The following MAX variants were observed in gnomAD, a reference collection of about 807,000 sequenced individuals.
MAX encodes the protein protein max.
MAX carries 3 observed loss-of-function variants against 22.3 expected under a neutral mutation model. The observed-to-expected ratio is 0.13, with a 90% CI of 0.06 to 0.35. MAX has a LOEUF of 0.35. MAX is among the 10% of genes least tolerant of loss of function. MAX has a pLI of 1.00. For missense variants in MAX, 119 were observed against 209.4 expected, an observed-to-expected ratio of 0.57 and a Z score of 2.66; for synonymous variants, 72 against 77.7, an observed-to-expected ratio of 0.93 and a Z score of 0.39.
intron 3 of MAX, among the ~76,000 whole-genome samples, chr14:65,060,268 A>G (rs1276095755): frequency 6.6e-6 from 1 of 152,114 alleles, no homozygotes; most frequent in East Asian, 1.9e-4. Flanking sequence ...TGCTATTTAT[A>G]TACATCACAG....
chr14:65,030,739 T>TA lies in MAX; in HGVS notation c.172-24456dup, dbSNP rs879817148. On this transcript the variant is annotated intron_variant, in intron 3 of 3. Transcript: ENST00000341653. The surrounding 1 kb of genome is among the most constrained non-coding windows in gnomAD (Gnocchi z 4.5). ...TGGGCAACAAAGTGAGATCCTATCT[T>TA]AAAAAAAAAAAAGAAGATGGAAACT... Among the ~76,000 whole-genome samples, 56 of 144,658 alleles carry TA rather than the reference T, an allele frequency of 3.9e-4. No individual in the cohort carries two copies. Among genetic ancestry groups the TA allele is most frequent in the East Asian group, 1.8e-3 (9 of 5,034 alleles). The allele number at this position is 144,658 out of a possible 152,430, so 94.9% of individuals were successfully genotyped here. A position where few individuals can be genotyped will look rare whatever the true frequency, so the allele number is the denominator to read the frequency against.
At chr14:65,097,402 C>T (rs907094683) in intron 2 of MAX, among the ~76,000 whole-genome samples, 1 of 152,180 alleles carries the variant, frequency 6.6e-6, no homozygotes, top group Non-Finnish European at 1.5e-5. Flanking sequence ...TTATTTCCTC[C>T]AAGTTCTAGG....
Position 65,012,507 on chromosome 14 carries a change from C to G in MAX, c.172-6223G>C. 1 of 1,357,654 alleles carries G rather than the reference C, an allele frequency of 7.4e-7. No individual in the cohort carries two copies. The allele number at this position is 1,357,654 out of a possible 1,614,324, so 84.1% of individuals were successfully genotyped here. A position where few individuals can be genotyped will look rare whatever the true frequency, so the allele number is the denominator to read the frequency against. ...CTGTTGCAGAGTCACTCTTTGTTCT[C>G]TGTGGCTCTGGCAGGAGGTAGGGTG... On this transcript the variant is annotated intron_variant, in intron 3 of 3. Transcript: ENST00000341653. The surrounding 1 kb of genome is among the most constrained non-coding windows in gnomAD (Gnocchi z 5.0).
intron 3 of MAX, among the ~76,000 whole-genome samples, chr14:65,046,505 T>C (rs1006957180): frequency 3.3e-5 from 5 of 152,212 alleles, no homozygotes; most frequent in Non-Finnish European, 7.3e-5. Context: ...GTAGCACATG[T>C]TCTAGGGGGC....
rs1475974657 is a variant in MAX, at chr14:65,077,329, C to T, written c.295+584G>A. On this transcript the variant is annotated intron_variant, in intron 4 of 4. Transcript: ENST00000358664. The surrounding 1 kb of genome is among the most constrained non-coding windows in gnomAD (Gnocchi z 6.3). The stretch of plus-strand genomic sequence containing the variant: ...TTATTTTATTTGAGGTTTTCTAACC[C>T]AGGTGGTTACTTGCATTTCCTTTTA... 6.3e-7 allele frequency: 1 copy of T among 1,577,758 alleles called. No homozygotes were observed. The highest frequency in any genetic ancestry group is 2.2e-5 in the East Asian group (1 of 44,714).
At chr14:65,033,814 G>A (rs2040717298) in intron 3 of MAX, among the ~76,000 whole-genome samples, 2 of 152,154 alleles carry the variant, frequency 1.3e-5, no homozygotes, top group Admixed American at 6.5e-5. Context: ...CCGAGATCAC[G>A]CCACTGCACT....
Position 65,075,235 on chromosome 14 carries a change from G to A in MAX, c.*1241C>T, listed in dbSNP as rs2063027603. On this transcript the variant is annotated 3_prime_UTR_variant, in exon 5 of 5. Transcript: ENST00000358664. The surrounding 1 kb of genome is among the most constrained non-coding windows in gnomAD (Gnocchi z 4.1). ...AACATACTTTTTATTTCCATGGAAT[G>A]GAATCAAACACGAACTGAGACTACA... is the stretch of plus-strand genomic sequence containing the variant. 5 of 1,056,376 alleles carry A rather than the reference G, an allele frequency of 4.7e-6. No individual in the cohort carries two copies. Among genetic ancestry groups the A allele is most frequent in the Non-Finnish European group, 5.7e-6 (5 of 873,578 alleles). The allele number at this position is 1,056,376 out of a possible 1,614,324, so 65.4% of individuals were successfully genotyped here.
intron 3 of MAX, among the ~76,000 whole-genome samples, chr14:65,041,643 C>T (rs759096038): frequency 6.6e-6 from 1 of 152,190 alleles, no homozygotes; most frequent in Admixed American, 6.5e-5. Flanking sequence ...GTTATGCGGC[C>T]CATCGTGAGC....
downstream of MAX, among the ~76,000 whole-genome samples, chr14:65,072,109 A>G (rs72728274): frequency 0.021 from 3,150 of 152,254 alleles, 45 homozygotes; most frequent in Non-Finnish European, 0.034. Context: ...TTTTGAAGAA[A>G]GGAATGCTCT....
rs1158473913 is a variant in MAX at position 65,066,176 on chromosome 14, T to C, written c.171+27532A>G. Among the ~76,000 whole-genome samples, 5 of 152,136 alleles carry C rather than the reference T, an allele frequency of 3.3e-5. No homozygotes were observed. The East Asian group carries it at 9.6e-4, about 29-fold the overall frequency. On this transcript the variant is annotated intron_variant, in intron 3 of 3. Coordinates refer to the MAX transcript ENST00000341653. ...GCAAATAGGGCAGGCCCCTCACCCT[T>C]CTAATGAGGTCTCCACTTGCCACCA...
At chr14:65,048,426 G>T (rs909786589) in intron 3 of MAX, among the ~76,000 whole-genome samples, 1 of 152,028 alleles carries the variant, frequency 6.6e-6, no homozygotes, top group African/African-American at 2.4e-5. Flanking sequence ...AAAGCAAAAA[G>T]AATGCTCTAC....
At chr14:65,015,160 T>A (rs1227184003) in intron 3 of MAX, among the ~76,000 whole-genome samples, 2 of 151,612 alleles carry the variant, frequency 1.3e-5, no homozygotes, top group Non-Finnish European at 2.9e-5. Context: ...TGGAGTGCAG[T>A]GGTGCCATCT....
rs1157935028 is a variant in MAX at position 65,078,533 on chromosome 14, G to GTTT, written c.172-500_172-498dup. 2.4e-4 allele frequency among the ~76,000 whole-genome samples: 33 copies of GTTT among 136,176 alleles called. No individual in the cohort carries two copies. Among genetic ancestry groups the GTTT allele is most frequent in the Non-Finnish European group, 2.7e-4 (17 of 63,284 alleles). The allele number at this position is 136,176 out of a possible 152,430, so 89.3% of individuals were successfully genotyped here. A position where few individuals can be genotyped will look rare whatever the true frequency, so the allele number is the denominator to read the frequency against. ...GCCTGTTGTTGTTGTTGTTGTTGTT[G>GTTT]TTTTTTTTTTTTTGGAGACGTAGTC... On this transcript the variant is annotated intron_variant, in intron 3 of 4. Transcript: ENST00000358664. The surrounding 1 kb of genome is among the most constrained non-coding windows in gnomAD (Gnocchi z 6.4).
rs977406344 is a variant in MAX, at chr14:65,101,796, G to C, written c.37-224C>G. 4 of 577,284 alleles carry C rather than the reference G, an allele frequency of 6.9e-6. No individual in the cohort carries two copies. The Admixed American group carries it at 1.2e-4, about 18-fold the overall frequency. 35.8% of individuals were successfully genotyped at this position (577,284 alleles called of 1,614,324 possible). ...AGCGCCGCCCCTCCTTCCGGGATCC[G>C]ACCTGGGCCAGAGGGGTCCCGAGCA... On this transcript the variant is annotated intron_variant, in intron 1 of 4. Transcript: ENST00000358664.
intron 3 of MAX, among the ~76,000 whole-genome samples, chr14:65,039,142 C>T (rs996547895): frequency 4.6e-5 from 7 of 152,168 alleles, no homozygotes; most frequent in African/African-American, 7.2e-5. Flanking sequence ...GGGAGCTCTG[C>T]GAGAGTGGGC....
intron 3 of MAX, among the ~76,000 whole-genome samples, chr14:65,013,313 C>T (rs965646599): frequency 7.3e-6 from 1 of 136,636 alleles, no homozygotes; most frequent in African/African-American, 2.9e-5. Context: ...GTTGCCAAAT[C>T]ATCTTTGTTT....
At chr14:65,081,272 G>C (rs7155468) in intron 3 of MAX, among the ~76,000 whole-genome samples, 3 of 151,956 alleles carry the variant, frequency 2.0e-5, no homozygotes, top group Non-Finnish European at 2.9e-5. Flanking sequence ...AAGAATTAAG[G>C]CCCAACAAGA....
Position 65,093,921 on chromosome 14 carries a change from C to A in MAX, c.64-106G>T, listed in dbSNP as rs993424278. 9.2e-6 allele frequency: 7 copies of A among 764,748 alleles called. No homozygotes were observed. Among genetic ancestry groups the A allele is most frequent in the Admixed American group, 1.9e-5 (1 of 53,850 alleles). The allele number at this position is 764,748 out of a possible 1,614,324, so 47.4% of individuals were successfully genotyped here. A position where few individuals can be genotyped will look rare whatever the true frequency, so the allele number is the denominator to read the frequency against. ...TACACGCTGTCAGCACTGTCCCTGG[C>A]GAGTGGACTGGGAAGGATTTCTCGA... On this transcript the variant is annotated intron_variant, in intron 2 of 4. Coordinates refer to ENST00000358664, the MANE Select transcript of MAX (RefSeq NM_002382.5). This position sits in a 1 kb window ranked among gnomAD's most constrained non-coding sequence, Gnocchi z 4.4.
At chr14:65,025,593 T>C (rs1032880778) in intron 3 of MAX, among the ~76,000 whole-genome samples, 3 of 152,122 alleles carry the variant, frequency 2.0e-5, no homozygotes, top group African/African-American at 7.2e-5. Context: ...GGTGGGAGGA[T>C]TGCTTGAGCC....
Sources: gnomAD v4.1 joint callset for allele counts (sites outside exome capture counted in the v4.1 genomes callset) on GRCh38, gnomAD v4.1.1 for gene constraint, Gnocchi (gnomAD v3.1) non-coding constraint, MANE v1.5 for transcripts, NCBI Gene and HGNC (gene_info 2026-07-23, HGNC 2026-07-21) for gene names.